Variants in TAF3 observed in about 807,000 individuals in gnomAD.
TAF3 encodes TATA-box binding protein associated factor 3.
Under a neutral mutation model 80.6 loss-of-function variants are expected in TAF3, and 7 were observed. The observed-to-expected ratio is 0.09, with a 90% CI of 0.05 to 0.16. The LOEUF (loss-of-function observed/expected upper bound fraction) is 0.16, where lower values mean the gene tolerates loss of function less well. Among genes scored for constraint, TAF3 ranks in the 10% least tolerant of loss-of-function variants. The pLI is 1.00. For missense variants in TAF3, 921 were observed against 1,140.2 expected (o/e 0.81, Z 2.77); for synonymous variants, 444 against 446.1 (o/e 1.00, Z 0.06).
chr10:7,914,710 G>A (rs10905245), intron 2 of TAF3, among the ~76,000 whole-genome samples: 86,038 of 152,006 alleles, frequency 0.57, 25,870 homozygotes, highest in East Asian at 0.71. Flanking sequence ...GAGGGATGGG[G>A]TAGTAAGTGC....
intron 4 of TAF3, among the ~76,000 whole-genome samples, chr10:7,988,598 A>G (rs1730374125): frequency 6.8e-6 from 1 of 147,474 alleles, no homozygotes; most frequent in Non-Finnish European, 1.5e-5. Context: ...AAAAAAAAAA[A>G]AAAGAAGCCA....
intron 2 of TAF3, among the ~76,000 whole-genome samples, chr10:7,928,604 T>C (rs990487510): frequency 1.4e-4 from 21 of 152,204 alleles, no homozygotes; most frequent in Non-Finnish European, 2.9e-4. Context: ...AGGATTGCCC[T>C]TGTGTTAATA....
At chr10:7,826,773 A>G (rs1048940204) in intron 2 of TAF3, among the ~76,000 whole-genome samples, 7 of 152,222 alleles carry the variant, frequency 4.6e-5, no homozygotes, top group Non-Finnish European at 8.8e-5. Flanking sequence ...AGAAAAGGAT[A>G]TAAAATGCAA....
intron 2 of TAF3, among the ~76,000 whole-genome samples, chr10:7,850,539 G>A (rs1218601580): frequency 1.3e-5 from 2 of 152,038 alleles, no homozygotes; most frequent in Non-Finnish European, 2.9e-5. Context: ...AGCCAGGCAT[G>A]GTGGCACATG....
At chr10:7,992,644 C>A (rs928842328) in intron 4 of TAF3, among the ~76,000 whole-genome samples, 1 of 152,140 alleles carries the variant, frequency 6.6e-6, no homozygotes, top group Non-Finnish European at 1.5e-5. Context: ...AATGAATGCA[C>A]ATTTTCCCCT....
chr10:7,980,709 G>T (rs905139906), intron 4 of TAF3, among the ~76,000 whole-genome samples: 1 of 152,160 alleles, frequency 6.6e-6, no homozygotes, highest in Non-Finnish European at 1.5e-5. Context: ...CTTGATGCTG[G>T]GATAGCAAGT....
intron 2 of TAF3, among the ~76,000 whole-genome samples, chr10:7,835,204 T>A (rs113998208): frequency 6.6e-6 from 1 of 152,300 alleles, no homozygotes; most frequent in East Asian, 1.9e-4. Flanking sequence ...ACACCATCGA[T>A]AGCTGCTGAG....
At chr10:7,830,733 C>G (rs548135963) in intron 2 of TAF3, among the ~76,000 whole-genome samples, 2 of 152,128 alleles carry the variant, frequency 1.3e-5, no homozygotes, top group African/African-American at 4.8e-5. Context: ...ATCCGCCAGC[C>G]TCGGCCTCCC....
At chr10:7,844,754 A>G (rs1382449658) in intron 2 of TAF3, among the ~76,000 whole-genome samples, 1 of 151,788 alleles carries the variant, frequency 6.6e-6, no homozygotes, top group Admixed American at 6.6e-5. Flanking sequence ...AGTTAACACA[A>G]CTTAGTTTTG....
chr10:7,974,163 CACACACACAA>C (rs1564375105), intron 3 of TAF3, among the ~76,000 whole-genome samples: 1 of 150,840 alleles, frequency 6.6e-6, no homozygotes, highest in Non-Finnish European at 1.5e-5. Flanking sequence ...CACACACACA[CACACACACAA>C]ACACACACAC....
At chr10:7,988,413 A>T (rs969492204) in intron 4 of TAF3, among the ~76,000 whole-genome samples, 1 of 151,790 alleles carries the variant, frequency 6.6e-6, no homozygotes, top group East Asian at 1.9e-4. Context: ...AACATGGTGA[A>T]ACCCTGTTTC....
chr10:7,935,235 C>T (rs1490524269), intron 2 of TAF3, among the ~76,000 whole-genome samples: 4 of 151,882 alleles, frequency 2.6e-5, no homozygotes, highest in Non-Finnish European at 5.9e-5. Flanking sequence ...CAAGATCGTG[C>T]CACTGCACTC....
chr10:7,982,341 A>C (rs1487988089), intron 4 of TAF3, among the ~76,000 whole-genome samples: 1 of 152,200 alleles, frequency 6.6e-6, no homozygotes, highest in African/African-American at 2.4e-5. Context: ...ATATGATCAT[A>C]CCTTCCTAGC....
chr10:7,818,715 C>G lies in TAF3; in HGVS notation c.6C>G (p.Cys2Trp). Residue 2 changes from cysteine (C) to tryptophan (W), a missense_variant, in exon 1 of 7, where the codon TGC becomes TGG. Physicochemically the swap from Cys to Trp is radical, Grantham distance 215. Transcript: ENST00000344293. ...GGTGGCGTCCACGCAGCGGGATGTG[C>G]GAGAGTTACTCCAGGTCGTTGTTGA... M[C>W]ESYSRSLLRV... 1 of 1,603,888 alleles carries G rather than the reference C, an allele frequency of 6.2e-7. No homozygotes were observed. The highest frequency in any genetic ancestry group is 2.3e-5 in the East Asian group (1 of 43,694).
intron 2 of TAF3, among the ~76,000 whole-genome samples, chr10:7,891,721 A>G (rs970368217): frequency 1.3e-5 from 2 of 152,252 alleles, no homozygotes; most frequent in Non-Finnish European, 2.9e-5. Context: ...TAAAATTTCA[A>G]TTGAATTACC....
chr10:7,973,976 A>G (rs1003691910), intron 3 of TAF3, among the ~76,000 whole-genome samples: 4 of 151,944 alleles, frequency 2.6e-5, no homozygotes, highest in Admixed American at 2.0e-4. Context: ...ACAAATACAA[A>G]AAGTAGCCGG....
intron 2 of TAF3, among the ~76,000 whole-genome samples, chr10:7,881,276 T>C (rs148056350): frequency 3.3e-5 from 5 of 152,136 alleles, no homozygotes; most frequent in Non-Finnish European, 7.4e-5. Context: ...ACAAGCTCTT[T>C]TAATATACTG....
chr10:7,903,552 G>A (rs965277166), intron 2 of TAF3, among the ~76,000 whole-genome samples: 2 of 152,106 alleles, frequency 1.3e-5, no homozygotes, highest in Non-Finnish European at 2.9e-5. Context: ...TTTTATCTTA[G>A]GAAATAACTT....
intron 2 of TAF3, among the ~76,000 whole-genome samples, chr10:7,957,583 G>C (rs1252468886): frequency 6.6e-6 from 1 of 152,140 alleles, no homozygotes; most frequent in Non-Finnish European, 1.5e-5. Flanking sequence ...AATGCGCCAA[G>C]AAGATGAACT....
Sources: allele counts gnomAD v4.1 joint callset (sites outside exome capture counted in the v4.1 genomes callset), GRCh38; gene constraint gnomAD v4.1.1; transcripts MANE v1.5; gene names NCBI Gene and HGNC (gene_info 2026-07-23, HGNC 2026-07-21).